Variants in STAG1 observed in about 807,000 individuals in gnomAD.
STAG1 encodes the protein STAG1 cohesin complex component.
STAG1 carries 26 observed loss-of-function variants against 170.9 expected under a neutral mutation model. The observed-to-expected ratio is 0.15, with a 90% CI of 0.11 to 0.21. The LOEUF is 0.21. Ranked by LOEUF, STAG1 falls within the 10% of genes least tolerant of loss-of-function variation. The pLI, the probability that STAG1 is intolerant of heterozygous loss-of-function variation, is 1.00. For missense variants in STAG1, 964 were observed against 1,509.5 expected (o/e 0.64, Z 5.99); for synonymous variants, 514 against 497.7 (o/e 1.03, Z -0.44).
chr3:136,682,951 T>A (rs1203698571), intron 1 of STAG1, among the ~76,000 whole-genome samples: 2 of 152,238 alleles, frequency 1.3e-5, no homozygotes, highest in Non-Finnish European at 1.5e-5. Context: ...AAGGAAATTC[T>A]GACACATGCT....
At chr3:136,449,878 T>C (rs1359149461) in intron 14 of STAG1, among the ~76,000 whole-genome samples, 1 of 150,682 alleles carries the variant, frequency 6.6e-6, no homozygotes, top group Admixed American at 6.6e-5. Flanking sequence ...CTCATACTTA[T>C]CAATTTCTGA....
chr3:136,377,108 T>C (rs1325807211), intron 23 of STAG1, among the ~76,000 whole-genome samples: 1 of 147,804 alleles, frequency 6.8e-6, no homozygotes, highest in Non-Finnish European at 1.5e-5. Context: ...AGTCAAAAAG[T>C]CTACATTTCG....
At chr3:136,703,404 T>C (rs1035985111) in intron 1 of STAG1, among the ~76,000 whole-genome samples, 10 of 152,170 alleles carry the variant, frequency 6.6e-5, no homozygotes, top group African/African-American at 2.2e-4. Flanking sequence ...ATAAGTGCCT[T>C]GTTCAAAAAT....
intron 29 of STAG1, among the ~76,000 whole-genome samples, chr3:136,344,233 A>G (rs1450426385): frequency 6.6e-6 from 1 of 152,180 alleles, no homozygotes; most frequent in Non-Finnish European, 1.5e-5. Context: ...AGTTGTAGGG[A>G]CTAAATGAGG....
At chr3:136,681,980 C>G (rs748942407) in intron 1 of STAG1, among the ~76,000 whole-genome samples, 1 of 152,070 alleles carries the variant, frequency 6.6e-6, no homozygotes, top group Non-Finnish European at 1.5e-5. Context: ...AGGATGGCCA[C>G]AGTCACCCTT....
At chr3:136,422,712 A>T in intron 18 of STAG1, 56 bp downstream of exon 18, 1 of 1,525,640 alleles carries the variant, frequency 6.6e-7, no homozygotes, top group Non-Finnish European at 8.9e-7. Flanking sequence ...AGTACATGAA[A>T]ATAATTCAGT....
At chr3:136,419,649 G>C (rs1166507954) in intron 20 of STAG1, among the ~76,000 whole-genome samples, 2 of 144,914 alleles carry the variant, frequency 1.4e-5, no homozygotes, top group African/African-American at 5.1e-5. Flanking sequence ...TTTTAGCAGA[G>C]ATGGGGTTTT....
chr3:136,337,223 G>GTATT lies in STAG1; in HGVS notation c.*1027_*1030dup, dbSNP rs577297877. ...TAATTCACAAAATTAGCGCATAAGG[G>GTATT]TATTAAGTGCATGGGAAGTAAACAC... On this transcript the variant is annotated 3_prime_UTR_variant, in exon 34 of 34. Coordinates refer to ENST00000383202, the MANE Select transcript of STAG1 (RefSeq NM_005862.3). The GTATT allele has an allele frequency of 2.2e-4, 33 of 152,712 alleles. 1 individual carries two copies. In the South Asian group the frequency reaches 6.8e-3, roughly 32 times the overall value. 9.5% of individuals were successfully genotyped at this position (152,712 alleles called of 1,614,324 possible).
At chr3:136,584,513 G>C (rs1051275091) in intron 4 of STAG1, among the ~76,000 whole-genome samples, 1 of 152,302 alleles carries the variant, frequency 6.6e-6, no homozygotes, top group East Asian at 1.9e-4. Flanking sequence ...CCTTGTGATA[G>C]ATCAGCCTCA....
At chr3:136,414,144 T>C (rs1040834792) in intron 21 of STAG1, among the ~76,000 whole-genome samples, 3 of 152,136 alleles carry the variant, frequency 2.0e-5, no homozygotes, top group Non-Finnish European at 4.4e-5. Flanking sequence ...AAGGTTGGGG[T>C]GACTATGGCA....
intron 5 of STAG1, among the ~76,000 whole-genome samples, chr3:136,542,422 T>C (rs749918966): frequency 3.3e-5 from 5 of 152,136 alleles, no homozygotes; most frequent in Admixed American, 6.5e-5. Context: ...CTATAAATAA[T>C]TCCATAATTA....
chr3:136,398,064 A>G (rs1225102885), intron 22 of STAG1, among the ~76,000 whole-genome samples: 2 of 151,648 alleles, frequency 1.3e-5, no homozygotes, highest in Non-Finnish European at 2.9e-5. Context: ...CTCCTGCCTC[A>G]GCCTCCTCAG....
intron 15 of STAG1, among the ~76,000 whole-genome samples, chr3:136,441,655 G>A (rs1293404792): frequency 6.6e-6 from 1 of 152,090 alleles, no homozygotes; most frequent in African/African-American, 2.4e-5. Context: ...CACTCTCCCG[G>A]TAATCTGCAT....
chr3:136,640,185 GA>G (rs1206214381), intron 1 of STAG1, among the ~76,000 whole-genome samples: 7 of 152,120 alleles, frequency 4.6e-5, no homozygotes, highest in African/African-American at 1.7e-4. Context: ...TCAAATAAAA[GA>G]TAACAAGTTG....
At chr3:136,413,563 A>G (rs1487036495) in intron 21 of STAG1, among the ~76,000 whole-genome samples, 1 of 151,884 alleles carries the variant, frequency 6.6e-6, no homozygotes, top group Admixed American at 6.6e-5. Context: ...GGTGCAAGCG[A>G]TTCTCCTGAC....
At position 136,340,597 on chromosome 3, in the gene STAG1, A is replaced by G. The variant is rs1377530030; in HGVS notation, c.3566T>C (p.Leu1189Pro). ...GATGGGCTCAGCATCTTCCTCCATT[A>G]GACCCCGACTGGTAAGAAAAAGGTA... ...RTGVRHAVRG[L>P]MEEDAEPIFE... Residue 1189 changes from leucine (L) to proline (P), a missense_variant, in exon 32 of 34, where the codon CTA becomes CCA. Physicochemically the swap from Leu to Pro is moderately conservative, Grantham distance 98. Transcript: ENST00000383202. 1 of 1,608,880 alleles carries G rather than the reference A, an allele frequency of 6.2e-7. No individual in the cohort carries two copies. The highest frequency in any genetic ancestry group is 8.5e-7 in the Non-Finnish European group (1 of 1,175,190).
intron 2 of STAG1, among the ~76,000 whole-genome samples, chr3:136,629,489 A>G (rs1329753701): frequency 2.6e-5 from 4 of 152,068 alleles, no homozygotes; most frequent in Non-Finnish European, 4.4e-5. Flanking sequence ...ATATTTATAT[A>G]TGTTCATATA....
intron 1 of STAG1, among the ~76,000 whole-genome samples, chr3:136,732,251 A>C (rs945088963): frequency 6.6e-6 from 1 of 151,638 alleles, no homozygotes; most frequent in Non-Finnish European, 1.5e-5. Context: ...AAAAAAAAAA[A>C]AAAAAAAACA....
intron 13 of STAG1, among the ~76,000 whole-genome samples, chr3:136,456,736 A>C (rs111354175): frequency 4.6e-5 from 7 of 152,304 alleles, no homozygotes; most frequent in African/African-American, 1.4e-4. Context: ...ATCAAGGACA[A>C]AGAAGAAATA....
Sources: allele counts gnomAD v4.1 joint callset (sites outside exome capture counted in the v4.1 genomes callset), GRCh38; gene constraint gnomAD v4.1.1; transcripts MANE v1.5; gene names NCBI Gene and HGNC (gene_info 2026-07-23, HGNC 2026-07-21).